Variants in CEP290 observed in about 807,000 individuals in gnomAD.
CEP290 encodes the protein centrosomal protein of 290 kDa.
In CEP290, 317 loss-of-function variants were observed where a neutral mutation model predicts 344.9. The ratio of observed to expected loss-of-function variants is 0.92; its 90% CI spans 0.84 to 1.01. CEP290 has a LOEUF of 1.01. Among genes scored for constraint, CEP290 ranks in the 50% least tolerant of loss-of-function variants. The probability of loss-of-function intolerance (pLI) is 0.00; values close to 1 mark genes in which losing one functional copy is unlikely to be tolerated. For synonymous variants in CEP290, 932 were observed against 895.8 expected (o/e 1.04, Z -0.72); for missense variants, 2,754 against 2,761.4 (o/e 1.00, Z 0.06).
At position 88,131,145 on chromosome 12, in the gene CEP290, C is replaced by T. The variant is rs2040042036; in HGVS notation, c.495+20G>A. On this transcript the variant is annotated intron_variant, in intron 7 of 53. Coordinates refer to ENST00000552810, the MANE Select transcript of CEP290 (RefSeq NM_025114.4). ...AATAAGTACCTTTGTTGAACCACCA[C>T]AACTACTAAAATTTTTTACCTCTCT... 4.0e-6 allele frequency: 6 copies of T among 1,493,410 alleles called. No individual in the cohort carries two copies. Among genetic ancestry groups the T allele is most frequent in the Non-Finnish European group, 4.4e-6 (5 of 1,126,784 alleles). The allele number at this position is 1,493,410 out of a possible 1,614,324, so 92.5% of individuals were successfully genotyped here. A position where few individuals can be genotyped will look rare whatever the true frequency, so the allele number is the denominator to read the frequency against.
chr12:88,117,961 G>A (rs1315434094), intron 17 of CEP290, among the ~76,000 whole-genome samples: 8 of 151,910 alleles, frequency 5.3e-5, no homozygotes, highest in Admixed American at 2.0e-4. Context: ...ACTAGAACCC[G>A]GGAGGCGGAG....
chr12:88,118,990 G>A (rs1451981630), intron 15 of CEP290, among the ~76,000 whole-genome samples: 1 of 152,134 alleles, frequency 6.6e-6, no homozygotes, highest in East Asian at 1.9e-4. Context: ...AGCTTTTTAA[G>A]CACAGAAAAT....
Position 88,071,837 on chromosome 12 carries a change from C to T in CEP290, c.5799G>A (p.Glu1933=), listed in dbSNP as rs2136964287. 1.9e-6 allele frequency: 3 copies of T among 1,604,816 alleles called. No individual in the cohort carries two copies. The highest frequency in any genetic ancestry group is 1.7e-6 in the Non-Finnish European group (2 of 1,176,492). ...EGIRNKLKEK[E]GEVFTLTKQL... ...GCTTTGTTAAAGTAAAGACTTCCCC[C>T]TCTTTCTCTTTTAACTTGTTTCGAA... The change falls in exon 42 of 54, where the codon GAG becomes GAA. Residue 1933 remains glutamate (E), a synonymous_variant. Transcript: ENST00000552810.
At chr12:88,087,153 T>C (rs2036643812) in intron 32 of CEP290, among the ~76,000 whole-genome samples, 1 of 152,196 alleles carries the variant, frequency 6.6e-6, no homozygotes, top group Admixed American at 6.5e-5. Context: ...CTGAAGTATA[T>C]ACTTTATTCT....
At position 88,060,009 on chromosome 12, in the gene CEP290, T is replaced by C. The variant is rs759956779; in HGVS notation, c.6534A>G (p.Glu2178=). The C allele has an allele frequency of 1.6e-5, 25 of 1,554,970 alleles. No homozygotes were observed. The South Asian group carries it at 3.1e-4, about 19-fold the overall frequency. The change falls in exon 48 of 54, where the codon GAA becomes GAG. Residue 2178 remains glutamate, a synonymous_variant. Coordinates refer to ENST00000552810, the MANE Select transcript of CEP290 (RefSeq NM_025114.4). ...GATGCCCAAGATGAGCTTTAAGTTT[T>C]TCTAATTCAGCCTAGTAAAAAAACA... is the stretch of plus-strand genomic sequence containing the variant. The part of the protein sequence containing the change: ...QENEKLKAEL[E]KLKAHLGHQL...
chr12:88,110,330 T>C (rs1414243085), intron 22 of CEP290, among the ~76,000 whole-genome samples: 1 of 152,274 alleles, frequency 6.6e-6, no homozygotes, highest in African/African-American at 2.4e-5. Context: ...GCAGGTAGTA[T>C]AGTAGAGTAC....
intron 39 of CEP290, among the ~76,000 whole-genome samples, chr12:88,078,717 T>G (rs189575844): frequency 6.6e-6 from 1 of 152,104 alleles, no homozygotes; most frequent in Non-Finnish European, 1.5e-5. Flanking sequence ...TTTTAACAAA[T>G]GTACCACTTT....
intron 52 of CEP290, 82 bp from the exon 53 acceptor site, chr12:88,050,515 A>AG: frequency 1.6e-6 from 1 of 627,430 alleles, no homozygotes; most frequent in Admixed American, 3.4e-5. Context: ...TCTAGAGAAC[A>AG]GAGATACATT....
rs1592671091 is a variant in CEP290 at position 88,129,694 on chromosome 12, T to C, written c.852A>G (p.Gln284=). Residue 284 remains glutamine, a splice_region_variant and synonymous_variant, in exon 10 of 54, where the codon CAA becomes CAG. Transcript: ENST00000552810. The part of the protein sequence containing the change: ...LKKENDHYQL[Q]VQELTDLLKS... ...AAGTTATTCTAAAAGTAATTCTTAC[T>C]TGAAGTTGATAATGATCGTTTTCTT... The C allele has an allele frequency of 2.9e-6, 4 of 1,388,160 alleles. No individual in the cohort carries two copies. The East Asian group carries it at 1.1e-4, about 37-fold the overall frequency. 86.0% of individuals were successfully genotyped at this position (1,388,160 alleles called of 1,614,324 possible).
intron 20 of CEP290, 116 bp from the exon 21 acceptor site, chr12:88,111,974 A>G (rs1484542515): frequency 4.5e-6 from 3 of 670,116 alleles, no homozygotes; most frequent in Non-Finnish European, 6.9e-6. Flanking sequence ...TTCATTGCCA[A>G]GCATGATAAT....
chr12:88,133,049 G>T (rs1182051233), intron 6 of CEP290, among the ~76,000 whole-genome samples: 1 of 149,994 alleles, frequency 6.7e-6, no homozygotes, highest in Non-Finnish European at 1.5e-5. Context: ...CCATGTCCCT[G>T]CAAAGGACAT....
chr12:88,091,495 TAA>T (rs2037040613), intron 29 of CEP290, among the ~76,000 whole-genome samples: 1 of 152,104 alleles, frequency 6.6e-6, no homozygotes, highest in Admixed American at 6.5e-5. Context: ...AAGCAAAATG[TAA>T]AGTTTCTTTG....
intron 13 of CEP290, among the ~76,000 whole-genome samples, chr12:88,124,230 T>C (rs183147393): frequency 6.6e-6 from 1 of 152,236 alleles, no homozygotes; most frequent in Admixed American, 6.6e-5. Flanking sequence ...TGATATGGCC[T>C]CTGTTTACCT....
In CEP290 at chr12:88,118,941, C is replaced by T. The variant is rs547824554; in HGVS notation, c.1523-198G>A. On this transcript the variant is annotated intron_variant, in intron 15 of 53. Coordinates refer to ENST00000552810, the MANE Select transcript of CEP290 (RefSeq NM_025114.4). ...TTTATCACAATTATTAATGGAAATC[C>T]TAACAAAAACCTAAATGAAATTATA... Among the ~76,000 whole-genome samples the T allele has an allele frequency of 5.9e-5, 9 of 152,170 alleles. 1 individual carries two copies. Among genetic ancestry groups the T allele is most frequent in the African/African-American group, 2.2e-4 (9 of 41,508 alleles).
chr12:88,121,106 T>A lies in CEP290; in HGVS notation c.1250A>T (p.Lys417Ile). 2 of 1,613,572 alleles carry A rather than the reference T, an allele frequency of 1.2e-6. No individual in the cohort carries two copies. Among genetic ancestry groups the A allele is most frequent in the Non-Finnish European group, 1.7e-6 (2 of 1,179,696 alleles). Residue 417 changes from lysine to isoleucine, a missense_variant, in exon 14 of 54, where the codon AAA (lysine) becomes ATA (isoleucine). Physicochemically the swap from Lys to Ile is moderately radical, Grantham distance 102. Transcript: ENST00000552810. ...MKIQSTLDIL[K>I]EKTKEAERTA... is the part of the protein sequence containing the mutation. ...TCTCTCAGCCTCTTTAGTTTTCTCT[T>A]TTAAAATGTCTAACGTTGACTGAAT... is the stretch of plus-strand genomic sequence containing the variant.
chr12:88,119,981 T>C (rs1397881902), intron 15 of CEP290, 133 bp downstream of exon 15: 6 of 538,662 alleles, frequency 1.1e-5, no homozygotes, highest in East Asian at 1.1e-4. Flanking sequence ...CTTTTATTTG[T>C]ATTAAATGTT....
chr12:88,129,644 G>A, intron 10 of CEP290, 50 bp downstream of exon 10: 1 of 1,055,572 alleles, frequency 9.5e-7, no homozygotes, highest in Non-Finnish European at 1.3e-6. Flanking sequence ...AAATAGTAAT[G>A]AGATAATATG....
intron 42 of CEP290, 111 bp downstream of exon 42, chr12:88,071,670 T>C: frequency 1.1e-6 from 1 of 907,224 alleles, no homozygotes; most frequent in East Asian, 2.9e-5. Flanking sequence ...TAATAAATGA[T>C]CATTTAAACT....
chr12:88,103,816 C>T (rs571796029), intron 25 of CEP290: 1 of 152,210 alleles, frequency 6.6e-6, no homozygotes, highest in East Asian at 1.9e-4. Flanking sequence ...CTTCAGATCT[C>T]ATTTTGGCAG....
Sources: allele counts gnomAD v4.1 joint callset (sites outside exome capture counted in the v4.1 genomes callset), GRCh38; gene constraint gnomAD v4.1.1; transcripts MANE v1.5; gene names NCBI Gene and HGNC (gene_info 2026-07-23, HGNC 2026-07-21).